PPP1R13B: variants seen among roughly 807,000 people sequenced by gnomAD.
PPP1R13B encodes the protein apoptosis-stimulating of p53 protein 1.
Under a neutral mutation model 119.8 loss-of-function variants are expected in PPP1R13B, and 44 were observed. The ratio of observed to expected loss-of-function variants is 0.37; its 90% CI spans 0.29 to 0.47. PPP1R13B has a LOEUF of 0.47. Ranked by LOEUF, PPP1R13B falls within the 20% of genes least tolerant of loss-of-function variation. The pLI is 0.99. For missense variants in PPP1R13B, 1,227 were observed against 1,413.5 expected, an observed-to-expected ratio of 0.87 and a Z score of 2.12; for synonymous variants, 542 against 561.5, an observed-to-expected ratio of 0.97 and a Z score of 0.49.
intron 4 of PPP1R13B, among the ~76,000 whole-genome samples, chr14:103,768,694 C>T (rs1275842814): frequency 6.6e-6 from 1 of 152,162 alleles, no homozygotes; most frequent in Non-Finnish European, 1.5e-5. Context: ...CTCAGCCTCC[C>T]AAAGTGCTGG....
chr14:103,787,149 A>G (rs749794588), intron 2 of PPP1R13B, among the ~76,000 whole-genome samples: 8 of 151,806 alleles, frequency 5.3e-5, no homozygotes, highest in Non-Finnish European at 8.8e-5. Context: ...CTTTTACATA[A>G]TCAAGATGTT....
intron 1 of PPP1R13B, among the ~76,000 whole-genome samples, chr14:103,836,174 T>C (rs1468102615): frequency 6.6e-6 from 1 of 151,308 alleles, no homozygotes; most frequent in Non-Finnish European, 1.5e-5. Context: ...CCCTCCCAAA[T>C]AGCTGAGATT....
At chr14:103,786,408 T>G (rs970791754) in intron 2 of PPP1R13B, among the ~76,000 whole-genome samples, 1 of 152,182 alleles carries the variant, frequency 6.6e-6, no homozygotes, top group Admixed American at 6.6e-5. Flanking sequence ...CACTTTTATA[T>G]GTATAATGCA....
chr14:103,738,885 C>T lies in PPP1R13B; in HGVS notation c.2730+1G>A. Reference sequence around the variant, plus strand: ...TGCACTGGTCCCCGGCTGCAGCTCACCTCATAGATGATCCTCTGCACCAGA... The same window carrying T: ...TGCACTGGTCCCCGGCTGCAGCTCATCTCATAGATGATCCTCTGCACCAGA... On this transcript the variant is annotated splice_donor_variant, in intron 13 of 16. Coordinates refer to ENST00000202556, the MANE Select transcript of PPP1R13B (RefSeq NM_015316.3). LOFTEE classifies it high-confidence loss of function. The surrounding 1 kb of genome is among the most constrained non-coding windows in gnomAD (Gnocchi z 5.6). 6.2e-7 allele frequency: 1 copy of T among 1,613,748 alleles called. No homozygotes were observed. Among genetic ancestry groups the T allele is most frequent in the Non-Finnish European group, 8.5e-7 (1 of 1,179,762 alleles).
At chr14:103,786,791 C>A (rs1424405541) in intron 2 of PPP1R13B, among the ~76,000 whole-genome samples, 6 of 71,214 alleles carry the variant, frequency 8.4e-5, no homozygotes, top group Admixed American at 1.2e-4. Flanking sequence ...AAAAAAAAGG[C>A]TGGTCATGGT....
intron 4 of PPP1R13B, among the ~76,000 whole-genome samples, chr14:103,762,214 C>T (rs376883777): frequency 1.5e-4 from 23 of 152,244 alleles, no homozygotes; most frequent in African/African-American, 4.8e-4. Context: ...ACAGCATAAA[C>T]GATGGAGGTT....
In PPP1R13B at chr14:103,739,854, G is replaced by A; in HGVS notation, c.2562C>T (p.Pro854=). ...AGGTGGCAGGAGGGTGGCTGGCAGG[G>A]GGAAGAGGTGCTGGAGGGACCTGCT... ...GEEQVPPAPL[P]PASHPPATST... The change falls in exon 12 of 17, where the codon CCC becomes CCT. Residue 854 remains proline, a synonymous_variant. Coordinates refer to ENST00000202556, the MANE Select transcript of PPP1R13B (RefSeq NM_015316.3). 1.2e-6 allele frequency: 2 copies of A among 1,611,708 alleles called. No individual in the cohort carries two copies. Among genetic ancestry groups the A allele is most frequent in the South Asian group, 2.2e-5 (2 of 90,942 alleles).
At chr14:103,747,203 A>G (rs184895563) in intron 8 of PPP1R13B, 12 of 152,350 alleles carry the variant, frequency 7.9e-5, no homozygotes, top group South Asian at 2.1e-4. Flanking sequence ...CGTCCTCAAG[A>G]TTTCAATATA....
intron 1 of PPP1R13B, among the ~76,000 whole-genome samples, chr14:103,798,152 C>CTTT (rs768163941): frequency 0.29 from 37,799 of 128,806 alleles, 6,158 homozygotes; most frequent in Non-Finnish European, 0.34. Context: ...ATAATAATCT[C>CTTT]TTTTTTTTTT....
intron 4 of PPP1R13B, chr14:103,763,275 T>G (rs916464725): frequency 5.5e-5 from 24 of 436,520 alleles, no homozygotes; most frequent in African/African-American, 4.8e-4. Flanking sequence ...GTCTGTAGCT[T>G]CTTAGCACAG....
chr14:103,739,172 G>A (rs936672178), intron 12 of PPP1R13B, 149 bp from the exon 13 acceptor site: 9 of 1,083,898 alleles, frequency 8.3e-6, no homozygotes, highest in African/African-American at 1.6e-5. Context: ...CAGCGCCCAG[G>A]TGACCACCTC....
chr14:103,796,165 C>T (rs2085752945), intron 2 of PPP1R13B, among the ~76,000 whole-genome samples: 1 of 152,008 alleles, frequency 6.6e-6, no homozygotes, highest in Admixed American at 6.6e-5. Flanking sequence ...TGCCTGTAGT[C>T]CCAGCTACAC....
At chr14:103,778,945 A>G (rs2085274532) in intron 3 of PPP1R13B, 124 bp from the exon 4 acceptor site, 23 of 757,116 alleles carry the variant, frequency 3.0e-5, no homozygotes, top group Non-Finnish European at 5.1e-5. Flanking sequence ...GAGAAATTCA[A>G]GACTTTAGTA....
At chr14:103,840,604 C>G (rs1395107661) in intron 1 of PPP1R13B, among the ~76,000 whole-genome samples, 1 of 151,930 alleles carries the variant, frequency 6.6e-6, no homozygotes, top group South Asian at 2.1e-4. Flanking sequence ...GCTTGGCCAA[C>G]ATGGTGAAAC....
Position 103,735,089 on chromosome 14 carries a change from A to G in PPP1R13B, c.*65T>C, listed in dbSNP as rs2084060982. ...TCTAGCTGCAGCTTTCCTGGAAAACAGCACAATAATCTCTTAAGTGGCTCC... is the reference window on the plus strand; with the variant it reads ...TCTAGCTGCAGCTTTCCTGGAAAACGGCACAATAATCTCTTAAGTGGCTCC... On this transcript the variant is annotated 3_prime_UTR_variant, in exon 17 of 17. Coordinates refer to ENST00000202556, the MANE Select transcript of PPP1R13B (RefSeq NM_015316.3). The G allele has an allele frequency of 1.3e-6, 2 of 1,568,278 alleles. No individual in the cohort carries two copies. The highest frequency in any genetic ancestry group is 1.4e-5 in the African/African-American group (1 of 73,932).
intron 3 of PPP1R13B, among the ~76,000 whole-genome samples, chr14:103,780,135 T>A (rs2085303076): frequency 7.2e-6 from 1 of 138,384 alleles, no homozygotes; most frequent in Non-Finnish European, 1.6e-5. Context: ...GGCGACAGAG[T>A]GAGACTCTGT....
At chr14:103,796,971 A>G (rs769414126) in intron 2 of PPP1R13B, among the ~76,000 whole-genome samples, 1 of 151,962 alleles carries the variant, frequency 6.6e-6, no homozygotes, top group Non-Finnish European at 1.5e-5. Flanking sequence ...AACAAAAAAC[A>G]AAAACAAAAA....
rs772028184 is a variant in PPP1R13B, at chr14:103,739,961, C to G, written c.2455G>C (p.Asp819His). 1.9e-6 allele frequency: 3 copies of G among 1,614,154 alleles called. No homozygotes were observed. The highest frequency in any genetic ancestry group is 2.5e-6 in the Non-Finnish European group (3 of 1,180,036). The change falls in exon 12 of 17, where the codon GAC (aspartate) becomes CAC (histidine). Residue 819 changes from aspartate to histidine, a missense_variant. Physicochemically the swap from Asp to His is moderately conservative, Grantham distance 81. Transcript: ENST00000202556. ...TTHQTAEPAE[D>H]NNNNVATVPT... ...ACCGTGGCCACGTTGTTGTTATTGT[C>G]CTCTGCCGGCTCGGCAGTTTGGTGG...
At chr14:103,747,728 C>T (rs1057211828) in intron 8 of PPP1R13B, among the ~76,000 whole-genome samples, 2 of 152,144 alleles carry the variant, frequency 1.3e-5, no homozygotes, top group African/African-American at 4.8e-5. Flanking sequence ...ATCCTCATAG[C>T]TTAGCTCCCA....
Sources: gnomAD v4.1 joint callset for allele counts (sites outside exome capture counted in the v4.1 genomes callset) on GRCh38, gnomAD v4.1.1 for gene constraint, Gnocchi (gnomAD v3.1) non-coding constraint, MANE v1.5 for transcripts, NCBI Gene and HGNC (gene_info 2026-07-23, HGNC 2026-07-21) for gene names.